The following RGL1 variants were observed in gnomAD, a reference collection of about 807,000 sequenced individuals.
RGL1 encodes ral guanine nucleotide dissociation stimulator like 1.
RGL1 carries 24 observed loss-of-function variants against 95.2 expected under a neutral mutation model. The ratio of observed to expected loss-of-function variants is 0.25; its 90% CI spans 0.18 to 0.35. The LOEUF (loss-of-function observed/expected upper bound fraction) is 0.35, where lower values mean the gene tolerates loss of function less well. Ranked by LOEUF, RGL1 falls within the 10% of genes least tolerant of loss-of-function variation. The probability of loss-of-function intolerance (pLI) is 1.00; values close to 1 mark genes in which losing one functional copy is unlikely to be tolerated. For synonymous variants in RGL1, 329 were observed against 344.9 expected, an observed-to-expected ratio of 0.95 and a Z score of 0.51; for missense variants, 715 against 936.3, an observed-to-expected ratio of 0.76 and a Z score of 3.08.
intron 7 of RGL1, among the ~76,000 whole-genome samples, chr1:183,886,725 A>T (rs1667130862): frequency 6.6e-6 from 1 of 152,110 alleles, no homozygotes; most frequent in African/African-American, 2.4e-5. Context: ...ATGTAATAAA[A>T]TAATGAGGCT....
chr1:183,661,006 C>T (rs986688582), intron 1 of RGL1, among the ~76,000 whole-genome samples: 1 of 151,942 alleles, frequency 6.6e-6, no homozygotes, highest in African/African-American at 2.4e-5. Context: ...TCTTTGAAAC[C>T]AACGAGAACA....
chr1:183,902,710 G>T, intron 12 of RGL1, 110 bp downstream of exon 12: 1 of 970,378 alleles, frequency 1.0e-6, no homozygotes, highest in South Asian at 1.6e-5. Flanking sequence ...AGCACCTACT[G>T]AACGTTTATC....
At chr1:183,757,803 T>C (rs113231617) in intron 2 of RGL1, among the ~76,000 whole-genome samples, 378 of 152,368 alleles carry the variant, frequency 2.5e-3, no homozygotes, top group African/African-American at 7.7e-3. Flanking sequence ...TGCTCAAATA[T>C]ACATAGCTGT....
chr1:183,658,036 T>C (rs1651310959), intron 1 of RGL1, among the ~76,000 whole-genome samples: 1 of 152,212 alleles, frequency 6.6e-6, no homozygotes, highest in Non-Finnish European at 1.5e-5. Context: ...TATTCCTAAG[T>C]ATTTTATTCT....
At chr1:183,749,235 T>A (rs1295106176) in intron 2 of RGL1, among the ~76,000 whole-genome samples, 1 of 152,218 alleles carries the variant, frequency 6.6e-6, no homozygotes, top group Non-Finnish European at 1.5e-5. Context: ...AATCTCCCAC[T>A]GTTATTTTGT....
At chr1:183,818,773 T>A (rs1313882232) in intron 2 of RGL1, among the ~76,000 whole-genome samples, 1 of 151,612 alleles carries the variant, frequency 6.6e-6, no homozygotes, top group Non-Finnish European at 1.5e-5. Context: ...TTTAGTGACT[T>A]TTTTTTGGTA....
intron 1 of RGL1, among the ~76,000 whole-genome samples, chr1:183,643,137 T>C (rs1432812196): frequency 1.3e-5 from 2 of 152,234 alleles, no homozygotes; most frequent in African/African-American, 4.8e-5. Flanking sequence ...CCATTGTATG[T>C]ATATACCACA....
chr1:183,862,681 TTTG>T (rs1665581520), intron 3 of RGL1, among the ~76,000 whole-genome samples: 1 of 152,224 alleles, frequency 6.6e-6, no homozygotes, highest in African/African-American at 2.4e-5. Flanking sequence ...AGATGATGCC[TTTG>T]CAGAGGCAAA....
At chr1:183,806,330 G>A in intron 1 of RGL1, 45 bp from the exon 2 acceptor site, 1 of 1,494,958 alleles carries the variant, frequency 6.7e-7, no homozygotes, top group South Asian at 1.1e-5. Flanking sequence ...TTAGCAGAGA[G>A]GAAAAAAATA....
At chr1:183,652,386 C>G (rs996995312) in intron 1 of RGL1, among the ~76,000 whole-genome samples, 4 of 152,184 alleles carry the variant, frequency 2.6e-5, no homozygotes, top group Non-Finnish European at 5.9e-5. Context: ...TTGCTGACAA[C>G]TTTTCAGTGT....
intron 2 of RGL1, among the ~76,000 whole-genome samples, chr1:183,819,075 C>T (rs1294956935): frequency 6.6e-6 from 1 of 152,188 alleles, no homozygotes; most frequent in Non-Finnish European, 1.5e-5. Context: ...CCTCTGGGAA[C>T]TCAGTTTCTG....
intron 1 of RGL1, among the ~76,000 whole-genome samples, chr1:183,733,682 A>G (rs528999145): frequency 6.6e-6 from 1 of 152,346 alleles, no homozygotes; most frequent in East Asian, 1.9e-4. Flanking sequence ...TTAGATAGGA[A>G]TAAAAATGCT....
rs1375732958 is a variant in RGL1, at chr1:183,922,297, G to A, written c.2080G>A (p.Glu694Lys). 9.9e-6 allele frequency: 16 copies of A among 1,613,974 alleles called. No homozygotes were observed. The highest frequency in any genetic ancestry group is 1.3e-5 in the African/African-American group (1 of 74,926). ...LKHNLDSDPA[E>K]EYELVQVISE... ...GCACAATCTGGACTCAGACCCCGCC[G>A]AGGAGTACGAGCTGGTGCAGGTCAT... Residue 694 changes from glutamate (E) to lysine (K), a missense_variant, in exon 17 of 18, where the codon GAG becomes AAG. Around this residue, in one of 3 missense-constraint regions of RGL1, gnomAD observed 330 missense variants for 429.6 expected, o/e 0.77. Transcript: ENST00000360851.
At chr1:183,670,618 G>A (rs1652374954) in intron 1 of RGL1, among the ~76,000 whole-genome samples, 2 of 152,176 alleles carry the variant, frequency 1.3e-5, no homozygotes, top group African/African-American at 4.8e-5. Flanking sequence ...TTTATGTTCT[G>A]ATAAGTTGTG....
chr1:183,646,055 C>T (rs1168174700), intron 1 of RGL1, among the ~76,000 whole-genome samples: 1 of 152,176 alleles, frequency 6.6e-6, no homozygotes, highest in African/African-American at 2.4e-5. Flanking sequence ...TTGTAGTCTG[C>T]CATTTTCTGG....
chr1:183,864,921 C>G lies in RGL1; in HGVS notation c.348-1075C>G, dbSNP rs1040532195. Among the ~76,000 whole-genome samples, 6 of 152,218 alleles carry G rather than the reference C, an allele frequency of 3.9e-5. No homozygotes were observed. The South Asian group carries it at 1.2e-3, about 32-fold the overall frequency. ...TTTGTAAGTCCTAGGAACAAGGAAC[C>G]ATAAGGGTACTGGGCCTTTAATCCC... is the stretch of plus-strand genomic sequence containing the variant. On this transcript the variant is annotated intron_variant, in intron 3 of 17. Coordinates refer to ENST00000360851, the MANE Select transcript of RGL1 (RefSeq NM_001297671.3).
At chr1:183,861,496 G>C (rs2102580236) in intron 3 of RGL1, among the ~76,000 whole-genome samples, 1 of 152,324 alleles carries the variant, frequency 6.6e-6, no homozygotes, top group Middle Eastern at 3.4e-3. Context: ...TTAGCAACCA[G>C]TTAAACATTG....
chr1:183,657,588 G>A (rs1290389626), intron 1 of RGL1, among the ~76,000 whole-genome samples: 1 of 151,852 alleles, frequency 6.6e-6, no homozygotes, highest in East Asian at 1.9e-4. Flanking sequence ...ATGGTTTCCA[G>A]TTTCATCCAT....
At chr1:183,654,226 G>GT (rs1358341111) in intron 1 of RGL1, among the ~76,000 whole-genome samples, 2 of 152,106 alleles carry the variant, frequency 1.3e-5, no homozygotes, top group African/African-American at 4.8e-5. Context: ...GGCCTCAGGT[G>GT]TATTCATGAA....
Sources: allele counts gnomAD v4.1 joint callset (sites outside exome capture counted in the v4.1 genomes callset), GRCh38; gene constraint gnomAD v4.1.1; regional missense constraint gnomAD v4.1.1; transcripts MANE v1.5; gene names NCBI Gene and HGNC (gene_info 2026-07-23, HGNC 2026-07-21).